The following FGD4 variants were observed in gnomAD, a reference collection of about 807,000 sequenced individuals.
FGD4 encodes the protein FYVE, RhoGEF and PH domain containing 4, also known as FYVE, RhoGEF and PH domain-containing protein 4.
Under a neutral mutation model 102.0 loss-of-function variants are expected in FGD4, and 42 were observed. The observed-to-expected ratio is 0.41, with a 90% CI of 0.32 to 0.53. The LOEUF is 0.53. FGD4 is among the 20% of genes least tolerant of loss of function. The pLI, the probability that FGD4 is intolerant of heterozygous loss-of-function variation, is 0.21. For missense variants in FGD4, 902 were observed against 1,078.2 expected (o/e 0.84, Z 2.29); for synonymous variants, 380 against 375.7 (o/e 1.01, Z -0.13).
intron 1 of FGD4, among the ~76,000 whole-genome samples, chr12:32,414,122 C>G (rs1941312340): frequency 6.6e-6 from 1 of 151,856 alleles, no homozygotes; most frequent in African/African-American, 2.4e-5. Context: ...CAGGCGCCCA[C>G]CAGCACACCC....
chr12:32,627,990 A>AT (rs1164078610), intron 14 of FGD4, among the ~76,000 whole-genome samples: 1 of 152,160 alleles, frequency 6.6e-6, no homozygotes, highest in African/African-American at 2.4e-5. Context: ...AAAATGGGAT[A>AT]TGTGAACCTG....
At chr12:32,519,119 G>GAAAA (rs751377618) in intron 1 of FGD4, among the ~76,000 whole-genome samples, 4 of 73,418 alleles carry the variant, frequency 5.4e-5, no homozygotes, top group Admixed American at 1.7e-4. Flanking sequence ...TCCGTCTCAG[G>GAAAA]AAAAAAAAAA....
At chr12:32,420,353 G>C (rs1296227447) in intron 1 of FGD4, among the ~76,000 whole-genome samples, 1 of 151,998 alleles carries the variant, frequency 6.6e-6, no homozygotes, top group Admixed American at 6.6e-5. Context: ...AAGCTCTTCC[G>C]GGCATGTCTT....
chr12:32,628,592 A>G (rs1950313712), intron 14 of FGD4, among the ~76,000 whole-genome samples: 1 of 152,080 alleles, frequency 6.6e-6, no homozygotes, highest in Non-Finnish European at 1.5e-5. Flanking sequence ...TGAGGTCGGG[A>G]GTTCAAGACC....
intron 1 of FGD4, among the ~76,000 whole-genome samples, chr12:32,509,839 T>A (rs574277907): frequency 1.3e-5 from 2 of 152,320 alleles, no homozygotes; most frequent in Admixed American, 6.5e-5. Context: ...CCTGTGTGCC[T>A]CACGCTGTTT....
chr12:32,620,520 C>CTTTCTTTCTTTCTTTTTTTTTTT (rs1949747434), intron 11 of FGD4, among the ~76,000 whole-genome samples: 1 of 91,136 alleles, frequency 1.1e-5, no homozygotes, highest in African/African-American at 4.6e-5. Flanking sequence ...TTTTTTCTTT[C>CTTTCTTTCTTTCTTTTTTTTTTT]TTTTTTTTTT....
At chr12:32,407,220 G>A (rs1940977733) in intron 1 of FGD4, among the ~76,000 whole-genome samples, 1 of 148,578 alleles carries the variant, frequency 6.7e-6, no homozygotes, top group Non-Finnish European at 1.5e-5. Flanking sequence ...CCCCCTCCCG[G>A]GTTCAAATGA....
At chr12:32,585,853 AAAAAAAAG>A (rs1339984314) in intron 4 of FGD4, among the ~76,000 whole-genome samples, 5 of 151,284 alleles carry the variant, frequency 3.3e-5, no homozygotes, top group Admixed American at 1.3e-4. Flanking sequence ...AAAAAAAAAA[AAAAAAAAG>A]GGAAATGCAG....
In FGD4 at chr12:32,512,958, G is replaced by A. The variant is rs538294202; in HGVS notation, c.167-51179G>A. ...AGTCTCCTCACATCAAAGTTAGGTA[G>A]ATTTATATACTTATCCAGGCAACCT... On this transcript the variant is annotated intron_variant, in intron 1 of 16. Transcript: ENST00000534526. Among the ~76,000 whole-genome samples, 523 of 152,304 alleles carry A rather than the reference G, an allele frequency of 3.4e-3. 3 individuals carry two copies. Among genetic ancestry groups the A allele is most frequent in the African/African-American group, 0.012 (501 of 41,580 alleles).
intron 1 of FGD4, among the ~76,000 whole-genome samples, chr12:32,467,519 T>G (rs1943292278): frequency 2.6e-5 from 4 of 152,228 alleles, no homozygotes. Context: ...CCATATTGTC[T>G]CATATAAACC....
rs370504841 is a variant in FGD4 at position 32,598,600 on chromosome 12, T to C, written c.1101+14T>C. Reference sequence around the variant, plus strand: ...CTCTTAGATCAGGTAAGATTTTCTTTCTCAGAATTATTTTATATTTTGGCA... The same window carrying C: ...CTCTTAGATCAGGTAAGATTTTCTTCCTCAGAATTATTTTATATTTTGGCA... On this transcript the variant is annotated intron_variant, in intron 5 of 16. Coordinates refer to ENST00000534526, the MANE Select transcript of FGD4 (RefSeq NM_001370298.3). The C allele has an allele frequency of 2.8e-5, 44 of 1,598,118 alleles. No homozygotes were observed. Among genetic ancestry groups the C allele is most frequent in the Non-Finnish European group, 3.7e-5 (43 of 1,165,726 alleles).
chr12:32,526,635 G>C lies in FGD4; in HGVS notation c.167-37502G>C, dbSNP rs567514574. ...CGAGCCAGCATTGGCAACCTGCTCA[G>C]GTCCCCTTCCACACTGTGGGAGCTT... On this transcript the variant is annotated intron_variant, in intron 1 of 16. Transcript: ENST00000534526. Among the ~76,000 whole-genome samples, 11 of 152,326 alleles carry C rather than the reference G, an allele frequency of 7.2e-5. No homozygotes were observed. In the East Asian group the frequency reaches 1.7e-3, roughly 24 times the overall value.
At chr12:32,424,206 C>T (rs758913598) in intron 1 of FGD4, among the ~76,000 whole-genome samples, 16 of 152,096 alleles carry the variant, frequency 1.1e-4, no homozygotes, top group Non-Finnish European at 2.2e-4. Context: ...TCTTCTAATG[C>T]TATCCCTCCC....
intron 1 of FGD4, among the ~76,000 whole-genome samples, chr12:32,542,228 T>C (rs1942902548): frequency 6.6e-6 from 1 of 152,228 alleles, no homozygotes. Flanking sequence ...TTTAAGCAGA[T>C]AAAGTCTACA....
At chr12:32,597,050 C>G (rs546895072) in intron 4 of FGD4, among the ~76,000 whole-genome samples, 8 of 151,856 alleles carry the variant, frequency 5.3e-5, no homozygotes, top group Non-Finnish European at 1.2e-4. Context: ...AAACAACTGA[C>G]AAAATACAAA....
intron 1 of FGD4, among the ~76,000 whole-genome samples, chr12:32,418,248 G>A (rs325422): frequency 0.093 from 14,164 of 152,026 alleles, 2,158 homozygotes; most frequent in African/African-American, 0.32. Flanking sequence ...GAGCCACCGC[G>A]CCTGGCCCTG....
chr12:32,595,784 T>A (rs1947844532), intron 4 of FGD4, among the ~76,000 whole-genome samples: 1 of 152,228 alleles, frequency 6.6e-6, no homozygotes. Flanking sequence ...TTTGACTAAT[T>A]GTGGAATTAG....
intron 1 of FGD4, among the ~76,000 whole-genome samples, chr12:32,419,145 C>G (rs1241318829): frequency 6.6e-6 from 1 of 152,148 alleles, no homozygotes; most frequent in Admixed American, 6.5e-5. Context: ...GAGCCTAGGC[C>G]TGGACTCAGT....
At chr12:32,568,509 C>T (rs1183874691) in intron 2 of FGD4, among the ~76,000 whole-genome samples, 2 of 151,188 alleles carry the variant, frequency 1.3e-5, no homozygotes, top group African/African-American at 2.5e-5. Context: ...CTCAAAATAG[C>T]TCCTTTAGTA....
Sources: gnomAD v4.1 joint callset for allele counts (sites outside exome capture counted in the v4.1 genomes callset) on GRCh38, gnomAD v4.1.1 for gene constraint, MANE v1.5 for transcripts, NCBI Gene and HGNC (gene_info 2026-07-23, HGNC 2026-07-21) for gene names.